Variants in CFAP54 observed in about 807,000 individuals in gnomAD.
The protein encoded by CFAP54 is cilia and flagella associated protein 54, also known as cilia- and flagella-associated protein 54.
CFAP54 carries 290 observed loss-of-function variants against 370.4 expected under a neutral mutation model. The ratio of observed to expected loss-of-function variants is 0.78; its 90% CI spans 0.71 to 0.86. CFAP54 has a LOEUF of 0.86. Ranked by LOEUF, CFAP54 falls within the 40% of genes least tolerant of loss-of-function variation. The pLI, the probability that CFAP54 is intolerant of heterozygous loss-of-function variation, is 0.00. For synonymous variants in CFAP54, 1,206 were observed against 1,236.5 expected (o/e 0.98, Z 0.52); for missense variants, 3,399 against 3,528.7 (o/e 0.96, Z 0.93).
chr12:96,601,059 C>T (rs936693302), intron 26 of CFAP54, among the ~76,000 whole-genome samples: 27 of 151,948 alleles, frequency 1.8e-4, no homozygotes, highest in African/African-American at 5.1e-4. Flanking sequence ...GGAATGCTTC[C>T]GGTTTTGCCC....
chr12:96,531,639 G>A (rs949957037), intron 9 of CFAP54, among the ~76,000 whole-genome samples: 3 of 151,956 alleles, frequency 2.0e-5, no homozygotes, highest in East Asian at 1.9e-4. Context: ...TTCAGGTCAC[G>A]AATTTCATCT....
chr12:96,725,190 T>C (rs1447454297), intron 50 of CFAP54, among the ~76,000 whole-genome samples: 1 of 151,782 alleles, frequency 6.6e-6, no homozygotes, highest in Non-Finnish European at 1.5e-5. Flanking sequence ...AACTTTAAAG[T>C]AATTTTTTCC....
chr12:96,560,805 C>G (rs997619217), intron 17 of CFAP54, among the ~76,000 whole-genome samples: 1 of 152,168 alleles, frequency 6.6e-6, no homozygotes, highest in African/African-American at 2.4e-5. Context: ...AATGAATATC[C>G]TGTTCCCCAA....
At chr12:96,700,802 AG>A in intron 46 of CFAP54, among the ~76,000 whole-genome samples, 1 of 152,300 alleles carries the variant, frequency 6.6e-6, no homozygotes, top group African/African-American at 2.4e-5. Flanking sequence ...CCAGCAATAA[AG>A]GAAATGGGAG....
chr12:96,640,669 C>CA, intron 32 of CFAP54, among the ~76,000 whole-genome samples: 1 of 152,322 alleles, frequency 6.6e-6, no homozygotes, highest in South Asian at 2.1e-4. Context: ...TACCTGACTT[C>CA]AAACTATACT....
At chr12:96,815,886 A>T (rs549910792) in intron 64 of CFAP54, among the ~76,000 whole-genome samples, 2 of 152,144 alleles carry the variant, frequency 1.3e-5, no homozygotes, top group African/African-American at 2.4e-5. Context: ...GTGTGGTGTT[A>T]TTTCTGGGTT....
intron 50 of CFAP54, 54 bp from the exon 51 acceptor site, chr12:96,739,902 A>G: frequency 9.3e-7 from 1 of 1,078,184 alleles, no homozygotes; most frequent in Non-Finnish European, 1.3e-6. Context: ...GAAATAACAT[A>G]CAGATGCCAC....
intron 6 of CFAP54, among the ~76,000 whole-genome samples, chr12:96,521,076 T>C (rs1955305757): frequency 6.6e-6 from 1 of 152,234 alleles, no homozygotes; most frequent in Admixed American, 6.5e-5. Context: ...AATGGAACTT[T>C]TATAGCGTTT....
At chr12:96,543,447 T>C (rs1955600195) in intron 14 of CFAP54, among the ~76,000 whole-genome samples, 1 of 152,176 alleles carries the variant, frequency 6.6e-6, no homozygotes, top group Non-Finnish European at 1.5e-5. Flanking sequence ...TTATCTGTCA[T>C]TGGTGAAGGG....
chr12:96,782,998 A>G (rs1004973595), intron 60 of CFAP54, among the ~76,000 whole-genome samples: 3 of 152,232 alleles, frequency 2.0e-5, no homozygotes, highest in African/African-American at 7.2e-5. Context: ...AAAAAATATC[A>G]GTAAATAACA....
At chr12:96,845,437 A>C (rs1592805608) in intron 66 of CFAP54, among the ~76,000 whole-genome samples, 3 of 152,158 alleles carry the variant, frequency 2.0e-5, no homozygotes, top group African/African-American at 7.2e-5. Context: ...ACAGCCCTCA[A>C]CTCTCAACCC....
intron 40 of CFAP54, among the ~76,000 whole-genome samples, chr12:96,683,831 G>C (rs1177592504): frequency 6.6e-6 from 1 of 151,314 alleles, no homozygotes; most frequent in African/African-American, 2.4e-5. Context: ...TCACTCTGTT[G>C]CCCAGGCTGG....
intron 66 of CFAP54, among the ~76,000 whole-genome samples, chr12:96,841,709 C>G (rs1959218578): frequency 1.3e-5 from 2 of 152,336 alleles, no homozygotes; most frequent in African/African-American, 4.8e-5. Flanking sequence ...AGCACACGTT[C>G]TAGTCCCAGT....
intron 9 of CFAP54, 149 bp downstream of exon 9, chr12:96,527,593 G>A (rs61940400): frequency 0.28 from 147,224 of 530,948 alleles, 22,319 homozygotes; most frequent in South Asian, 0.37. Flanking sequence ...TTGAGATAAG[G>A]TCTCTCTTTG....
At chr12:96,496,780 G>T (rs1592813176) in intron 1 of CFAP54, among the ~76,000 whole-genome samples, 1 of 152,104 alleles carries the variant, frequency 6.6e-6, no homozygotes, top group Admixed American at 6.6e-5. Flanking sequence ...GGGATATTCA[G>T]ATTTTTCCTA....
intron 17 of CFAP54, among the ~76,000 whole-genome samples, chr12:96,564,075 A>C (rs550656471): frequency 6.6e-6 from 1 of 152,182 alleles, no homozygotes; most frequent in Non-Finnish European, 1.5e-5. Context: ...CTTGGATGAA[A>C]CAGTTTTTCT....
intron 48 of CFAP54, among the ~76,000 whole-genome samples, chr12:96,715,911 T>A (rs1312059261): frequency 6.6e-6 from 1 of 152,208 alleles, no homozygotes; most frequent in Non-Finnish European, 1.5e-5. Context: ...CCATATTCTC[T>A]ACTATCACTT....
chr12:96,635,604 C>G (rs1171863666), intron 32 of CFAP54, among the ~76,000 whole-genome samples: 2 of 152,166 alleles, frequency 1.3e-5, no homozygotes, highest in East Asian at 3.8e-4. Context: ...AGCAGCACAT[C>G]CCACAAGTTA....
chr12:96,644,320 T>C lies in CFAP54; in HGVS notation c.4459T>C (p.Tyr1487His). The C allele has an allele frequency of 6.5e-7, 1 of 1,535,976 alleles. No homozygotes were observed. Among genetic ancestry groups the C allele is most frequent in the East Asian group, 2.4e-5 (1 of 40,910 alleles). The change falls in exon 33 of 68, where the codon TAT (tyrosine) becomes CAT (histidine). Residue 1487 changes from tyrosine (Y) to histidine (H), a missense_variant. By Grantham distance (83) the Tyr-to-His change is moderately conservative. This residue lies in a region of CFAP54 where 2,796 missense variants were observed against 2,869.7 expected (regional missense o/e 0.97). Coordinates refer to ENST00000524981, the MANE Select transcript of CFAP54 (RefSeq NM_001306084.2). ...EMPWRAQMNL[Y>H]LAGAHFNLVL... Reference sequence around the variant, plus strand: ...GCCCTGGAGAGCTCAGATGAACCTGTATCTAGCAGGTGCACACTTTAACCT... The same window carrying C: ...GCCCTGGAGAGCTCAGATGAACCTGCATCTAGCAGGTGCACACTTTAACCT...
Sources: allele counts gnomAD v4.1 joint callset (sites outside exome capture counted in the v4.1 genomes callset), GRCh38; gene constraint gnomAD v4.1.1; regional missense constraint gnomAD v4.1.1; transcripts MANE v1.5; gene names NCBI Gene and HGNC (gene_info 2026-07-23, HGNC 2026-07-21).